Variants in DCDC2B observed in about 807,000 individuals in gnomAD.
DCDC2B encodes doublecortin domain containing 2B, also known as doublecortin domain-containing protein 2B.
Under a neutral mutation model 38.9 loss-of-function variants are expected in DCDC2B, and 41 were observed. That is an observed-to-expected ratio of 1.05 (90% CI 0.82 to 1.37). DCDC2B has a LOEUF of 1.37. Ranked by LOEUF, DCDC2B falls within the 40% of genes most tolerant of loss-of-function variation. DCDC2B has a pLI of 0.00. For synonymous variants in DCDC2B, 181 were observed against 171.9 expected (o/e 1.05, Z -0.41); for missense variants, 453 against 427.2 (o/e 1.06, Z -0.53).
At chr1:32,211,151 T>C (rs1241051353) in intron 1 of DCDC2B, 121 bp from the exon 2 acceptor site, 6 of 894,664 alleles carry the variant, frequency 6.7e-6, no homozygotes, top group South Asian at 2.8e-5. Context: ...ACTGAGATGA[T>C]TGCCACTATT....
intron 6 of DCDC2B, 97 bp from the exon 7 acceptor site, chr1:32,214,699 TC>T: frequency 2.0e-6 from 3 of 1,530,094 alleles, no homozygotes; most frequent in Non-Finnish European, 2.7e-6. Flanking sequence ...TCTGCCATGT[TC>T]CTGCAGGCGT....
intron 7 of DCDC2B, 98 bp from the exon 8 acceptor site, chr1:32,215,342 G>A (rs1569779821): frequency 1.9e-6 from 2 of 1,038,792 alleles, no homozygotes; most frequent in Non-Finnish European, 2.8e-6. Context: ...TGCAGAACCA[G>A]GTTCAGGGGA....
chr1:32,212,477 C>T lies in DCDC2B; in HGVS notation c.528-13C>T, dbSNP rs200278977. On this transcript the variant is annotated splice_polypyrimidine_tract_variant and intron_variant, in intron 4 of 8. Transcript: ENST00000409358. ...GTCTACCAGCCCTTATCCTCCTCAC[C>T]TCTCTCTCCCAGACTCTGCACCCTA... is the stretch of plus-strand genomic sequence containing the variant. 469 of 1,613,288 alleles carry T rather than the reference C, an allele frequency of 2.9e-4. 2 individuals are homozygous for T. The African/African-American group carries it at 5.8e-3, about 20-fold the overall frequency.
Position 32,209,482 on chromosome 1 carries a change from G to A in DCDC2B, c.266+123G>A, listed in dbSNP as rs193258165. The A allele has an allele frequency of 1.4e-4, 194 of 1,421,752 alleles. 1 individual carries two copies. The East Asian group carries it at 1.9e-3, about 14-fold the overall frequency. 88.1% of individuals were successfully genotyped at this position (1,421,752 alleles called of 1,614,324 possible). ...ACTTACTGAACTCTATGTAGGGGGGGTGGTTTTGCCTCCATTAGAAAGGGA... is the reference window on the plus strand; with the variant it reads ...ACTTACTGAACTCTATGTAGGGGGGATGGTTTTGCCTCCATTAGAAAGGGA... On this transcript the variant is annotated intron_variant, in intron 1 of 8. Coordinates refer to ENST00000409358, the MANE Select transcript of DCDC2B (RefSeq NM_001099434.2).
Position 32,212,643 on chromosome 1 carries a change from A to C in DCDC2B, c.674+7A>C. 6.2e-7 allele frequency: 1 copy of C among 1,613,716 alleles called. No homozygotes were observed. The highest frequency in any genetic ancestry group is 8.5e-7 in the Non-Finnish European group (1 of 1,179,710). On this transcript the variant is annotated splice_region_variant and intron_variant, in intron 5 of 8. Coordinates refer to ENST00000409358, the MANE Select transcript of DCDC2B (RefSeq NM_001099434.2). ...CCCTGCCCAGGGGCTGCTGGTATGT[A>C]TGTGGGAGGTGGAGCGGTAACAGGC...
In DCDC2B at chr1:32,209,502, A is replaced by G. The variant is rs573081693; in HGVS notation, c.266+143A>G. 168 of 1,193,314 alleles carry G rather than the reference A, an allele frequency of 1.4e-4. 2 individuals carry two copies. The South Asian group carries it at 2.4e-3, about 17-fold the overall frequency. The allele number at this position is 1,193,314 out of a possible 1,614,324, so 73.9% of individuals were successfully genotyped here. ...GGGGGGTGGTTTTGCCTCCATTAGA[A>G]AGGGAAAACAGACAGAAAACCTGCC... On this transcript the variant is annotated intron_variant, in intron 1 of 8. Transcript: ENST00000409358.
At position 32,215,887 on chromosome 1, in the gene DCDC2B, T is replaced by C. The variant is rs1450497868; in HGVS notation, c.1040T>C (p.Leu347Pro). The change falls in exon 9 of 9, where the codon CTG (leucine) becomes CCG (proline). Residue 347 changes from leucine to proline, a missense_variant. Leu to Pro is a moderately conservative substitution (Grantham distance 98). Coordinates refer to ENST00000409358, the MANE Select transcript of DCDC2B (RefSeq NM_001099434.2). ...GCTATCTCAGCCTCAGCCCCAGCTC[T>C]GCCATCTTGAGAGCCAGCAGCTCCA... ...GAAISASAPA[L>P]PS is the part of the protein sequence containing the mutation. 4 of 1,551,214 alleles carry C rather than the reference T, an allele frequency of 2.6e-6. No individual in the cohort carries two copies. The highest frequency in any genetic ancestry group is 3.5e-6 in the Non-Finnish European group (4 of 1,146,984).
Position 32,212,871 on chromosome 1 carries a change from C to CTAAG in DCDC2B, c.714+78_714+79insTAAG, listed in dbSNP as rs1643647909. 3 of 1,483,452 alleles carry CTAAG rather than the reference C, an allele frequency of 2.0e-6. No individual in the cohort carries two copies. In the Admixed American group the frequency reaches 5.6e-5, roughly 28 times the overall value. 91.9% of individuals were successfully genotyped at this position (1,483,452 alleles called of 1,614,324 possible). ...ACAACTCTTCTGGCACAGGCTCTGA[C>CTAAG]CTTATTTCACTGCATCCTCTCTTTT... On this transcript the variant is annotated intron_variant, in intron 6 of 8. Transcript: ENST00000409358.
Position 32,212,092 on chromosome 1 carries a change from G to GT in DCDC2B, c.419dup (p.Ser141LysfsTer5), listed in dbSNP as rs1557530582. The GT allele has an allele frequency of 2.5e-6, 4 of 1,613,800 alleles. No individual in the cohort carries two copies. In the Admixed American group the frequency reaches 5.0e-5, roughly 20 times the overall value. On this transcript the variant is annotated frameshift_variant, in exon 4 of 9. Transcript: ENST00000409358. LOFTEE classifies it high-confidence loss of function. Reference sequence around the variant, plus strand: ...CAGTGTGTTCAGGAATGGGGACCTGGTAAGTCCCCCATTTAGTCTGAAGCT... The same window carrying GT: ...CAGTGTGTTCAGGAATGGGGACCTGGTTAAGTCCCCCATTTAGTCTGAAGCT...
At position 32,212,081 on chromosome 1, in the gene DCDC2B, A is replaced by G; in HGVS notation, c.407A>G (p.Asn136Ser). ...GCTTTTTGTCTCAGTGTGTTCAGGA[A>G]TGGGGACCTGGTAAGTCCCCCATTT... is the stretch of plus-strand genomic sequence containing the variant. Reference protein sequence around the residue: ...GAPSYIHVFRNGDLVSPPFSL... With the variant: ...GAPSYIHVFRSGDLVSPPFSL... The change falls in exon 4 of 9, where the codon AAT (asparagine) becomes AGT (serine). Residue 136 changes from asparagine to serine, a missense_variant. Asn to Ser is a conservative substitution (Grantham distance 46). Transcript: ENST00000409358. 1.2e-6 allele frequency: 2 copies of G among 1,613,210 alleles called. No homozygotes were observed. Among genetic ancestry groups the G allele is most frequent in the Non-Finnish European group, 1.7e-6 (2 of 1,179,316 alleles).
chr1:32,212,451 A>G (rs1643626245), intron 4 of DCDC2B, 39 bp from the exon 5 acceptor site: 2 of 1,606,732 alleles, frequency 1.2e-6, no homozygotes, highest in Non-Finnish European at 1.7e-6. Context: ...AGAAGCATCG[A>G]GTCTACCAGC....
Position 32,213,163 on chromosome 1 carries a change from T to C in DCDC2B, c.714+370T>C, listed in dbSNP as rs530008086. 3.6e-3 allele frequency among the ~76,000 whole-genome samples: 550 copies of C among 152,262 alleles called. 2 individuals carry two copies. Among genetic ancestry groups the C allele is most frequent in the African/African-American group, 0.013 (522 of 41,536 alleles). ...TGCCCGCCTCAGCCTCCCAAAGTGCTGGGATTACAGGCGTGAGCCACCGTG... is the reference window on the plus strand; with the variant it reads ...TGCCCGCCTCAGCCTCCCAAAGTGCCGGGATTACAGGCGTGAGCCACCGTG... On this transcript the variant is annotated intron_variant, in intron 6 of 8. Coordinates refer to ENST00000409358, the MANE Select transcript of DCDC2B (RefSeq NM_001099434.2).
chr1:32,214,808 CA>C lies in DCDC2B; in HGVS notation c.727del (p.Arg243GlyfsTer4). ...RPHRQGAQGH[R>X]AQVTQPSPKE... ...TGTCCCTTCTCTAGGCCCAAGGCCA[CA>C]GGGCCCAGGTAACCCAGCCCTCTCC... On this transcript the variant is annotated frameshift_variant, in exon 7 of 9. Coordinates refer to ENST00000409358, the MANE Select transcript of DCDC2B (RefSeq NM_001099434.2). LOFTEE classifies it high-confidence loss of function. 1 of 1,613,964 alleles carries C rather than the reference CA, an allele frequency of 6.2e-7. No individual in the cohort carries two copies.
intron 8 of DCDC2B, 96 bp from the exon 9 acceptor site, chr1:32,215,706 G>A (rs1638326396): frequency 8.4e-7 from 1 of 1,184,412 alleles, no homozygotes; most frequent in South Asian, 1.5e-5. Context: ...CTAATTTCCA[G>A]TTTCTTCCTT....
intron 1 of DCDC2B, among the ~76,000 whole-genome samples, chr1:32,209,749 C>T (rs560117877): frequency 8.5e-5 from 13 of 152,290 alleles, no homozygotes; most frequent in African/African-American, 2.6e-4. Flanking sequence ...CAGACTCTCC[C>T]GTTAGGCTAG....
At chr1:32,212,416 C>T in intron 4 of DCDC2B, 74 bp from the exon 5 acceptor site, 3 of 1,586,570 alleles carry the variant, frequency 1.9e-6, no homozygotes, top group Non-Finnish European at 2.6e-6. Flanking sequence ...TAGCTGCACC[C>T]ACCCCTTCAG....
chr1:32,211,999 C>G (rs776607038), intron 3 of DCDC2B, 71 bp from the exon 4 acceptor site: 33 of 1,571,354 alleles, frequency 2.1e-5, no homozygotes, highest in Non-Finnish European at 2.5e-5. Flanking sequence ...TATTGCTGGC[C>G]CTGTGCCACC....
intron 6 of DCDC2B, among the ~76,000 whole-genome samples, chr1:32,213,513 T>C (rs1333702977): frequency 1.4e-5 from 2 of 145,732 alleles, no homozygotes; most frequent in Non-Finnish European, 3.0e-5. Flanking sequence ...ATTTTTTTTT[T>C]TTTTTTTTTT....
chr1:32,215,614 GC>G, intron 8 of DCDC2B, 71 bp downstream of exon 8: 3 of 1,442,822 alleles, frequency 2.1e-6, no homozygotes, highest in South Asian at 2.5e-5. Context: ...GCAGCCTTGG[GC>G]CCCAGGAACA....
Sources: gnomAD v4.1 joint callset for allele counts (sites outside exome capture counted in the v4.1 genomes callset) on GRCh38, gnomAD v4.1.1 for gene constraint, MANE v1.5 for transcripts, NCBI Gene and HGNC (gene_info 2026-07-23, HGNC 2026-07-21) for gene names.